CFAP100: variants seen among roughly 807,000 people sequenced by gnomAD.
The protein encoded by CFAP100 is cilia and flagella associated protein 100, also known as cilia- and flagella-associated protein 100.
CFAP100 carries 70 observed loss-of-function variants against 81.5 expected under a neutral mutation model. The ratio of observed to expected loss-of-function variants is 0.86; its 90% CI spans 0.71 to 1.05. CFAP100 has a LOEUF of 1.05. Among genes scored for constraint, CFAP100 ranks in the 50% least tolerant of loss-of-function variants. The pLI is 0.00. For missense variants in CFAP100, 811 were observed against 776.5 expected, an observed-to-expected ratio of 1.04 and a Z score of -0.53; for synonymous variants, 341 against 314.8, an observed-to-expected ratio of 1.08 and a Z score of -0.88.
chr3:126,419,983 C>G lies in CFAP100; in HGVS notation c.917C>G (p.Pro306Arg), dbSNP rs1451317648. The change falls in exon 10 of 17, where the codon CCA (proline) becomes CGA (arginine). Residue 306 changes from proline (P) to arginine (R), a missense_variant. Pro to Arg is a moderately radical substitution (Grantham distance 103, BLOSUM62 -2). Transcript: ENST00000352312. The stretch of plus-strand genomic sequence containing the variant: ...GCCCCCCCTTTGCTTCCTGCAGGAC[C>G]AGGGATCAAGGGCAAGGCGAGCTCC... Reference protein sequence around the residue: ...SVNSTPGDKGPGIKGKASSMW... With the variant: ...SVNSTPGDKGRGIKGKASSMW... 6.2e-7 allele frequency: 1 copy of G among 1,612,978 alleles called. No homozygotes were observed. The highest frequency in any genetic ancestry group is 1.3e-5 in the African/African-American group (1 of 74,950).
chr3:126,404,419 T>A (rs2083031300), intron 2 of CFAP100, among the ~76,000 whole-genome samples: 1 of 152,218 alleles, frequency 6.6e-6, no homozygotes, highest in South Asian at 2.1e-4. Flanking sequence ...TTGGGAAGTT[T>A]AGCAGAATTT....
At chr3:126,413,806 G>T (rs527670155) in intron 3 of CFAP100, among the ~76,000 whole-genome samples, 7 of 152,358 alleles carry the variant, frequency 4.6e-5, no homozygotes, top group Non-Finnish European at 8.8e-5. Flanking sequence ...TGCAGTGAGG[G>T]CTGGCTGAGG....
At chr3:126,395,655 A>G (rs968104433) in intron 1 of CFAP100, among the ~76,000 whole-genome samples, 5 of 152,220 alleles carry the variant, frequency 3.3e-5, no homozygotes, top group African/African-American at 4.8e-5. Context: ...ATTGAAGAGA[A>G]GGAAGCCCAG....
intron 7 of CFAP100, 22 bp from the exon 8 acceptor site, chr3:126,419,054 T>TCCCCCCCC: frequency 1.5e-5 from 5 of 334,554 alleles, no homozygotes; most frequent in Non-Finnish European, 2.6e-5. Context: ...CCATCCCTCC[T>TCCCCCCCC]CCCCCGCCGC....
chr3:126,412,994 G>C (rs976640838), intron 3 of CFAP100, among the ~76,000 whole-genome samples: 7 of 152,218 alleles, frequency 4.6e-5, no homozygotes, highest in Non-Finnish European at 1.0e-4. Flanking sequence ...CATGGGATGG[G>C]CCGCCCATGC....
chr3:126,415,145 C>T (rs948356861), intron 4 of CFAP100, among the ~76,000 whole-genome samples: 4 of 152,230 alleles, frequency 2.6e-5, no homozygotes, highest in Admixed American at 6.5e-5. Flanking sequence ...CAGCCTAGCT[C>T]GAGGCCTCCC....
chr3:126,418,929 G>T, intron 7 of CFAP100, 147 bp from the exon 8 acceptor site: 1 of 1,056,990 alleles, frequency 9.5e-7, no homozygotes, highest in South Asian at 1.6e-5. Context: ...GGGACACTAC[G>T]GGCAAAAGGC....
In CFAP100 at chr3:126,395,948, A is replaced by T. The variant is rs1436353196; in HGVS notation, c.-53A>T. On this transcript the variant is annotated 5_prime_UTR_variant, in exon 2 of 17. Coordinates refer to ENST00000352312, the MANE Select transcript of CFAP100 (RefSeq NM_182628.3). ...GCACTGTGTCACTCCTCAGGTGAGG[A>T]TCTCCTTTAGAAGAGGAGAAGCCTT... is the stretch of plus-strand genomic sequence containing the variant. The T allele has an allele frequency of 6.9e-7, 1 of 1,453,336 alleles. No homozygotes were observed. The highest frequency in any genetic ancestry group is 9.7e-7 in the Non-Finnish European group (1 of 1,034,158). 90.0% of individuals were successfully genotyped at this position (1,453,336 alleles called of 1,614,324 possible).
chr3:126,431,442 C>T (rs1296725583), intron 13 of CFAP100, among the ~76,000 whole-genome samples: 2 of 152,206 alleles, frequency 1.3e-5, no homozygotes, highest in African/African-American at 4.8e-5. Flanking sequence ...AGATCTCTTT[C>T]AGCACTGCCA....
At chr3:126,402,749 A>C (rs2107586558) in intron 2 of CFAP100, among the ~76,000 whole-genome samples, 1 of 152,078 alleles carries the variant, frequency 6.6e-6, no homozygotes, top group East Asian at 1.9e-4. Flanking sequence ...CCCAGAGGTC[A>C]AAGCATCTAA....
rs761549040 is a variant in CFAP100 at position 126,420,204 on chromosome 3, G to A, written c.1057G>A (p.Glu353Lys). Reference sequence around the variant, plus strand: ...CCCCCAGCAAGGCAGCCAGCCCAGCGAGTCCAGCGGTGGCGACTCCAGAGG... The same window carrying A: ...CCCCCAGCAAGGCAGCCAGCCCAGCAAGTCCAGCGGTGGCGACTCCAGAGG... ...SSPQQGSQPS[E>K]SSGGDSRGSN... The change falls in exon 11 of 17, where the codon GAG (glutamate) becomes AAG (lysine). Residue 353 changes from glutamate to lysine, a missense_variant. Glu to Lys is a moderately conservative substitution (Grantham distance 56, BLOSUM62 1). Transcript: ENST00000352312. The A allele has an allele frequency of 1.6e-5, 26 of 1,612,504 alleles. No individual in the cohort carries two copies. Among genetic ancestry groups the A allele is most frequent in the East Asian group, 4.5e-5 (2 of 44,902 alleles).
rs1576631707 is a variant in CFAP100, at chr3:126,416,517, C to A, written c.418+9C>A. ...GCTCACCTTGACCAAAGGTGCGTCC[C>A]CTCCGGCGCGGGGGGACCTGGGCCA... is the stretch of plus-strand genomic sequence containing the variant. On this transcript the variant is annotated intron_variant, in intron 5 of 16. Transcript: ENST00000352312. 1.3e-6 allele frequency: 2 copies of A among 1,559,938 alleles called. No homozygotes were observed. The highest frequency in any genetic ancestry group is 4.7e-5 in the East Asian group (2 of 42,626).
In CFAP100 at chr3:126,416,432, C is replaced by T. The variant is rs1352228557; in HGVS notation, c.342C>T (p.Asp114=). 9 of 1,611,518 alleles carry T rather than the reference C, an allele frequency of 5.6e-6. No individual in the cohort carries two copies. Among genetic ancestry groups the T allele is most frequent in the Non-Finnish European group, 7.6e-6 (9 of 1,179,362 alleles). ...TGCAGCTGGAGGACAAGCAGGAGGACCTGGAGGCGCGCGCCGAGGCCGAGC... is the reference window on the plus strand; with the variant it reads ...TGCAGCTGGAGGACAAGCAGGAGGATCTGGAGGCGCGCGCCGAGGCCGAGC... ...RQLQLEDKQE[D]LEARAEAEHQ... is the part of the protein sequence containing the mutation. The change falls in exon 5 of 17, where the codon GAC becomes GAT. Residue 114 remains aspartate (D), a synonymous_variant. Coordinates refer to ENST00000352312, the MANE Select transcript of CFAP100 (RefSeq NM_182628.3).
Position 126,419,643 on chromosome 3 carries a change from C to T in CFAP100, c.738C>T (p.Ile246=), listed in dbSNP as rs147085159. The change falls in exon 9 of 17, where the codon ATC becomes ATT. Residue 246 remains isoleucine (I), a synonymous_variant. Transcript: ENST00000352312. ...TTQIVNIKSE[I]SRFEDTLKHY... ...TCACCCCGCCCCGGTGTAGTGAGAT[C>T]TCCAGATTTGAAGACACTCTGAAGC... 1.2e-6 allele frequency: 2 copies of T among 1,613,518 alleles called. No homozygotes were observed. The highest frequency in any genetic ancestry group is 2.2e-5 in the South Asian group (2 of 91,044).
At chr3:126,418,405 C>T (rs1411860756) in intron 5 of CFAP100, 53 bp from the exon 6 acceptor site, 12 of 1,554,980 alleles carry the variant, frequency 7.7e-6, no homozygotes, top group Middle Eastern at 1.7e-4. Context: ...CCTGCCAGGC[C>T]CCTCCTCAGC....
intron 3 of CFAP100, among the ~76,000 whole-genome samples, chr3:126,412,986 T>C (rs540499384): frequency 2.6e-5 from 4 of 152,240 alleles, no homozygotes; most frequent in Admixed American, 2.6e-4. Flanking sequence ...GATGGGGACA[T>C]GGGATGGGCC....
intron 13 of CFAP100, among the ~76,000 whole-genome samples, chr3:126,427,495 T>C: frequency 6.6e-6 from 1 of 152,012 alleles, no homozygotes; most frequent in South Asian, 2.1e-4. Flanking sequence ...TTTCCCTCAG[T>C]GCCGTGTCTG....
intron 2 of CFAP100, among the ~76,000 whole-genome samples, chr3:126,397,326 G>T (rs1334345802): frequency 6.6e-6 from 1 of 152,118 alleles, no homozygotes; most frequent in Non-Finnish European, 1.5e-5. Context: ...ATTACACTTA[G>T]GTGTGCACAC....
intron 3 of CFAP100, among the ~76,000 whole-genome samples, chr3:126,409,311 T>C (rs2083118631): frequency 6.6e-6 from 1 of 152,238 alleles, no homozygotes. Flanking sequence ...AGCATCCACA[T>C]TGCTGCACCT....
Sources: allele counts gnomAD v4.1 joint callset (sites outside exome capture counted in the v4.1 genomes callset), GRCh38; gene constraint gnomAD v4.1.1; transcripts MANE v1.5; gene names NCBI Gene and HGNC (gene_info 2026-07-23, HGNC 2026-07-21).